Variants in PCDHGB3 observed in about 807,000 individuals in gnomAD.
PCDHGB3 encodes protocadherin gamma-B3.
Under a neutral mutation model 59.2 loss-of-function variants are expected in PCDHGB3, and 40 were observed. That is an observed-to-expected ratio of 0.68 (90% CI 0.52 to 0.88). PCDHGB3 has a LOEUF of 0.88. PCDHGB3 is among the 40% of genes least tolerant of loss of function. The pLI is 0.00. For missense variants in PCDHGB3, 1,309 were observed against 1,187.9 expected (o/e 1.10, Z -1.50); for synonymous variants, 581 against 503.6 (o/e 1.15, Z -2.06).
chr5:141,459,687 G>A (rs191874235), intron 1 of PCDHGB3, among the ~76,000 whole-genome samples: 15 of 152,278 alleles, frequency 9.9e-5, no homozygotes, highest in Admixed American at 2.0e-4. Context: ...TGCATAAAGC[G>A]TTCCGCTTGC....
Position 141,371,328 on chromosome 5 carries a change from A to G in PCDHGB3, c.934A>G (p.Arg312Gly). 6.2e-7 allele frequency: 1 copy of G among 1,614,010 alleles called. No homozygotes were observed. The highest frequency in any genetic ancestry group is 8.5e-7 in the Non-Finnish European group (1 of 1,179,880). Residue 312 changes from arginine to glycine, a missense_variant, in exon 1 of 4, where the codon AGA becomes GGA. Physicochemically the swap from Arg to Gly is moderately radical, Grantham distance 125. Coordinates refer to ENST00000576222, the MANE Select transcript of PCDHGB3 (RefSeq NM_018924.5). ...TATTGGAGAACTGGACTTTGAAGAG[A>G]GAGATAGCTACACAATTGGGGTGGA... ...TTIGELDFEE[R>G]DSYTIGVEAK...
rs1463716042 is a variant in PCDHGB3 at position 141,511,338 on chromosome 5, T to C, written c.*165T>C. 42 of 1,429,834 alleles carry C rather than the reference T, an allele frequency of 2.9e-5. No homozygotes were observed. The highest frequency in any genetic ancestry group is 3.9e-5 in the Non-Finnish European group (42 of 1,075,502). 88.6% of individuals were successfully genotyped at this position (1,429,834 alleles called of 1,614,324 possible). A position where few individuals can be genotyped will look rare whatever the true frequency, so the allele number is the denominator to read the frequency against. On this transcript the variant is annotated 3_prime_UTR_variant, in exon 4 of 4. Coordinates refer to ENST00000576222, the MANE Select transcript of PCDHGB3 (RefSeq NM_018924.5). ...CAGAAACAAGTGCCCAGTCAGCACC[T>C]ACCCCTTCCCCCCCAGGGGGTTGAA... is the stretch of plus-strand genomic sequence containing the variant.
At chr5:141,376,069 G>T (rs897737501) in intron 1 of PCDHGB3, 13 of 1,613,452 alleles carry the variant, frequency 8.1e-6, no homozygotes, top group Non-Finnish European at 1.0e-5. Flanking sequence ...CGCTCACCGT[G>T]GCCGTGGCCG....
chr5:141,372,038 G>C lies in PCDHGB3; in HGVS notation c.1644G>C (p.Leu548=). 2 of 1,613,506 alleles carry C rather than the reference G, an allele frequency of 1.2e-6. No homozygotes were observed. Among genetic ancestry groups the C allele is most frequent in the South Asian group, 1.1e-5 (1 of 91,080 alleles). The change falls in exon 1 of 4, where the codon CTG becomes CTC. Residue 548 remains leucine, a synonymous_variant. Transcript: ENST00000576222. ...CTACGCTCAGCGCCAACGTGAGCCT[G>C]CGCGTGTTGGTGGACGACCGCAACG... ...GSPTLSANVS[L]RVLVDDRNDN... is the part of the protein sequence containing the mutation.
chr5:141,470,842 CA>C (rs1300821457), intron 1 of PCDHGB3, among the ~76,000 whole-genome samples: 2 of 152,044 alleles, frequency 1.3e-5, no homozygotes, highest in African/African-American at 4.8e-5. Flanking sequence ...CACACGCCAC[CA>C]TGCTCAGATA....
Position 141,438,902 on chromosome 5 carries a change from G to A in PCDHGB3, c.2416-55905G>A, listed in dbSNP as rs185216039. 2.0e-5 allele frequency among the ~76,000 whole-genome samples: 3 copies of A among 151,906 alleles called. No homozygotes were observed. The East Asian group carries it at 5.8e-4, about 29-fold the overall frequency. On this transcript the variant is annotated intron_variant, in intron 1 of 3. Coordinates refer to ENST00000576222, the MANE Select transcript of PCDHGB3 (RefSeq NM_018924.5). ...GCTGCTCTTGAACTCCTGACCTCAGGTGATCCACCTGCCTTGGCCTCCCAA... is the reference window on the plus strand; with the variant it reads ...GCTGCTCTTGAACTCCTGACCTCAGATGATCCACCTGCCTTGGCCTCCCAA...
chr5:141,410,154 A>C (rs1254712035), intron 1 of PCDHGB3: 1 of 1,612,962 alleles, frequency 6.2e-7, no homozygotes, highest in Non-Finnish European at 8.5e-7. Flanking sequence ...GACGGTGGAC[A>C]GCCGCCACTC....
chr5:141,397,876 C>A (rs2093580679), intron 1 of PCDHGB3: 1 of 579,756 alleles, frequency 1.7e-6, no homozygotes, highest in East Asian at 2.9e-5. Flanking sequence ...TGACTCTGGG[C>A]GCCGCTGTTG....
chr5:141,447,433 C>G (rs756021616), intron 1 of PCDHGB3, among the ~76,000 whole-genome samples: 1 of 152,118 alleles, frequency 6.6e-6, no homozygotes. Context: ...CCACCGCACC[C>G]GGAGGAAATT....
intron 1 of PCDHGB3, chr5:141,413,770 G>A: frequency 6.2e-7 from 1 of 1,612,708 alleles, no homozygotes; most frequent in Non-Finnish European, 8.5e-7. Context: ...CCCGGAGCTG[G>A]TACTGGAGCA....
intron 1 of PCDHGB3, chr5:141,403,329 T>C (rs1325114096): frequency 1.2e-6 from 2 of 1,613,990 alleles, no homozygotes; most frequent in Admixed American, 1.7e-5. Context: ...GTAACTGATA[T>C]TAACGACAGC....
At chr5:141,403,163 A>G (rs1357883715) in intron 1 of PCDHGB3, 1 of 1,614,052 alleles carries the variant, frequency 6.2e-7, no homozygotes, top group Admixed American at 1.7e-5. Context: ...CTCTAGAGGT[A>G]GGACGCAGCT....
At chr5:141,382,896 G>C (rs754850386) in intron 1 of PCDHGB3, 13 of 1,537,678 alleles carry the variant, frequency 8.5e-6, no homozygotes, top group Non-Finnish European at 1.1e-5. Context: ...GAAGCAGGAC[G>C]ACTATGGCGG....
chr5:141,432,378 C>A lies in PCDHGB3; in HGVS notation c.2415+59569C>A. On this transcript the variant is annotated intron_variant, in intron 1 of 3. Coordinates refer to ENST00000576222, the MANE Select transcript of PCDHGB3 (RefSeq NM_018924.5). This position sits in a 1 kb window ranked among gnomAD's most constrained non-coding sequence, Gnocchi z 6.0. ...GTGATGGCGCGGGACAACGGGCACC[C>A]GCCCCTCAGCAGCAACGTGTCGTTG... 6.2e-7 allele frequency: 1 copy of A among 1,614,234 alleles called. No individual in the cohort carries two copies. Among genetic ancestry groups the A allele is most frequent in the South Asian group, 1.1e-5 (1 of 91,082 alleles).
rs11410533 is a variant in PCDHGB3, at chr5:141,429,387, TAAAA to T, written c.2415+56583_2415+56586del. Among the ~76,000 whole-genome samples, 383 of 151,446 alleles carry T rather than the reference TAAAA, an allele frequency of 2.5e-3. 1 individual carries two copies. The highest frequency in any genetic ancestry group is 4.2e-3 in the South Asian group (20 of 4,786). ...AAATGGAGAAAATGTGTTTTTTTTT[TAAAA>T]AAAATTGAGATTAAGGTCTCATTAT... On this transcript the variant is annotated intron_variant, in intron 1 of 3. Transcript: ENST00000576222.
chr5:141,427,912 A>T (rs1268491054), intron 1 of PCDHGB3: 2 of 1,577,806 alleles, frequency 1.3e-6, no homozygotes, highest in Admixed American at 3.3e-5. Flanking sequence ...CTCAGCGCCA[A>T]CATGAGCCGG....
At position 141,393,422 on chromosome 5, in the gene PCDHGB3, G is replaced by C. The variant is rs552855100; in HGVS notation, c.2415+20613G>C. 12 of 1,614,042 alleles carry C rather than the reference G, an allele frequency of 7.4e-6. No individual in the cohort carries two copies. The East Asian group carries it at 2.7e-4, about 36-fold the overall frequency. On this transcript the variant is annotated intron_variant, in intron 1 of 3. Coordinates refer to ENST00000576222, the MANE Select transcript of PCDHGB3 (RefSeq NM_018924.5). ...TGCTGGAGCGCGCCCTGGACAGGGA[G>C]GAAGAGGCTGCTCACCACCTGGTCC...
intron 1 of PCDHGB3, chr5:141,399,393 C>A: frequency 6.2e-7 from 1 of 1,613,976 alleles, no homozygotes; most frequent in Non-Finnish European, 8.5e-7. Flanking sequence ...CAGCCACAGA[C>A]AGGGGCAAGC....
At chr5:141,386,780 A>C (rs1209529195) in intron 1 of PCDHGB3, among the ~76,000 whole-genome samples, 3 of 152,202 alleles carry the variant, frequency 2.0e-5, no homozygotes. Flanking sequence ...TGTAAAAGAA[A>C]ATCTCCTGAC....
Sources: allele counts gnomAD v4.1 joint callset (sites outside exome capture counted in the v4.1 genomes callset), GRCh38; gene constraint gnomAD v4.1.1; non-coding constraint Gnocchi (gnomAD v3.1); transcripts MANE v1.5; gene names NCBI Gene and HGNC (gene_info 2026-07-23, HGNC 2026-07-21).